Variants in EDIL3 observed in about 807,000 individuals in gnomAD.
The protein encoded by EDIL3 is EGF like and discoidin domains 3.
EDIL3 carries 37 observed loss-of-function variants against 67.4 expected under a neutral mutation model. The observed-to-expected ratio is 0.55, with a 90% confidence interval of 0.42 to 0.72. EDIL3 has a LOEUF of 0.72. Among genes scored for constraint, EDIL3 ranks in the 30% least tolerant of loss-of-function variants. The probability of loss-of-function intolerance (pLI) is 0.00; values close to 1 mark genes in which losing one functional copy is unlikely to be tolerated. For synonymous variants in EDIL3, 195 were observed against 196.3 expected, an observed-to-expected ratio of 0.99 and a Z score of 0.05; for missense variants, 527 against 586.3, an observed-to-expected ratio of 0.90 and a Z score of 1.04.
At chr5:83,964,168 C>T (rs1042426726) in intron 9 of EDIL3, among the ~76,000 whole-genome samples, 4 of 151,814 alleles carry the variant, frequency 2.6e-5, no homozygotes, top group Admixed American at 6.6e-5. Flanking sequence ...ATCAAGAATA[C>T]GTAATATAGA....
chr5:84,026,497 T>G (rs1055725724), intron 9 of EDIL3, among the ~76,000 whole-genome samples: 6 of 152,208 alleles, frequency 3.9e-5, no homozygotes, highest in African/African-American at 1.2e-4. Flanking sequence ...GTTTTACTAT[T>G]TAACCTTCTG....
intron 6 of EDIL3, among the ~76,000 whole-genome samples, chr5:84,082,725 A>C (rs1292458653): frequency 6.6e-6 from 1 of 152,216 alleles, no homozygotes; most frequent in Non-Finnish European, 1.5e-5. Flanking sequence ...AAGGGCTTTT[A>C]TATTATGGTT....
chr5:84,033,717 A>AG (rs1264638159), intron 9 of EDIL3, among the ~76,000 whole-genome samples: 1 of 151,728 alleles, frequency 6.6e-6, no homozygotes, highest in East Asian at 1.9e-4. Context: ...AAAAAAAAAA[A>AG]AAAAAAAAAT....
At chr5:84,184,589 G>A (rs1423385441) in intron 3 of EDIL3, among the ~76,000 whole-genome samples, 1 of 152,152 alleles carries the variant, frequency 6.6e-6, no homozygotes, top group Admixed American at 6.6e-5. Flanking sequence ...GGAAATCAAG[G>A]GGAAAGGGCT....
chr5:84,221,715 A>AT (rs1215237314), intron 3 of EDIL3, among the ~76,000 whole-genome samples: 5 of 151,846 alleles, frequency 3.3e-5, no homozygotes, highest in Admixed American at 2.0e-4. Flanking sequence ...ATATTGTAGC[A>AT]TTTTTTTGGT....
chr5:84,174,142 G>A (rs930492315), intron 4 of EDIL3, among the ~76,000 whole-genome samples: 1 of 152,162 alleles, frequency 6.6e-6, no homozygotes, highest in Admixed American at 6.5e-5. Context: ...ACCTGATGCT[G>A]TCTTGGTCAG....
intron 10 of EDIL3, among the ~76,000 whole-genome samples, chr5:83,959,930 C>T (rs1370770522): frequency 6.6e-6 from 1 of 150,698 alleles, no homozygotes; most frequent in African/African-American, 2.4e-5. Context: ...ATAACTTAGG[C>T]AATACATTTT....
rs1554069997 is a variant in EDIL3 at position 84,141,930 on chromosome 5, T to TATATAC, written c.356-4577_356-4576insGTATAT. On this transcript the variant is annotated intron_variant, in intron 4 of 10. Transcript: ENST00000296591. ...TCATATATATATATATATACACATA[T>TATATAC]ATATATATATATATATACATAGATC... Among the ~76,000 whole-genome samples, 103 of 125,618 alleles carry TATATAC rather than the reference T, an allele frequency of 8.2e-4. 3 individuals carry two copies. Among genetic ancestry groups the TATATAC allele is most frequent in the African/African-American group, 3.0e-3 (97 of 32,276 alleles). The allele number at this position is 125,618 out of a possible 152,430, so 82.4% of individuals were successfully genotyped here.
At chr5:84,249,440 TTCTA>T (rs534116042) in intron 2 of EDIL3, among the ~76,000 whole-genome samples, 231 of 151,678 alleles carry the variant, frequency 1.5e-3, no homozygotes, top group East Asian at 6.0e-3. Context: ...TCATCTATTT[TTCTA>T]TCTATTATCT....
intron 1 of EDIL3, among the ~76,000 whole-genome samples, chr5:84,311,732 G>T (rs965315544): frequency 2.0e-5 from 3 of 152,198 alleles, no homozygotes; most frequent in Non-Finnish European, 4.4e-5. Context: ...GTGTCCCTGG[G>T]TACTTGAGAT....
At chr5:84,285,265 A>G (rs902969603) in intron 1 of EDIL3, among the ~76,000 whole-genome samples, 1 of 152,244 alleles carries the variant, frequency 6.6e-6, no homozygotes, top group Admixed American at 6.5e-5. Flanking sequence ...TAAGTAAAGT[A>G]CATTTAAATT....
At chr5:84,361,270 A>AAC (rs10553087) in intron 1 of EDIL3, among the ~76,000 whole-genome samples, 2,461 of 147,466 alleles carry the variant, frequency 0.017, 33 homozygotes, top group African/African-American at 0.04. Context: ...AGGTCATTAC[A>AAC]ACACACACAC....
chr5:84,153,536 T>G (rs1369663448), intron 4 of EDIL3, among the ~76,000 whole-genome samples: 1 of 150,698 alleles, frequency 6.6e-6, no homozygotes, highest in African/African-American at 2.4e-5. Flanking sequence ...CTCAGGCTGG[T>G]CTCGAACTCC....
chr5:84,160,641 T>C (rs1026226936), intron 4 of EDIL3, among the ~76,000 whole-genome samples: 10 of 152,096 alleles, frequency 6.6e-5, no homozygotes, highest in Non-Finnish European at 1.0e-4. Context: ...AATGGTTCTT[T>C]CCATTGCTCC....
intron 1 of EDIL3, among the ~76,000 whole-genome samples, chr5:84,291,324 C>T (rs1172445502): frequency 6.6e-6 from 1 of 152,082 alleles, no homozygotes; most frequent in Non-Finnish European, 1.5e-5. Context: ...CACATGAATG[C>T]ACAACCGGTT....
At chr5:84,312,244 C>T (rs927543512) in intron 1 of EDIL3, among the ~76,000 whole-genome samples, 2 of 145,254 alleles carry the variant, frequency 1.4e-5, no homozygotes, top group East Asian at 2.1e-4. Context: ...GGGCTGACCC[C>T]CCCACCTCCC....
chr5:84,216,499 T>TAA (rs146058797), intron 3 of EDIL3, among the ~76,000 whole-genome samples: 14,709 of 152,266 alleles, frequency 0.097, 894 homozygotes, highest in Non-Finnish European at 0.14. Flanking sequence ...TTTGCTGCTG[T>TAA]AAGATAAGCA....
chr5:84,188,794 A>G (rs1450925161), intron 3 of EDIL3, among the ~76,000 whole-genome samples: 1 of 152,112 alleles, frequency 6.6e-6, no homozygotes, highest in African/African-American at 2.4e-5. Flanking sequence ...GCAAGAAGGC[A>G]GCTATTTGTA....
At chr5:84,317,726 G>T in intron 1 of EDIL3, among the ~76,000 whole-genome samples, 1 of 152,104 alleles carries the variant, frequency 6.6e-6, no homozygotes, top group East Asian at 1.9e-4. Flanking sequence ...GGCAAAAACT[G>T]GAAGCATTCC....
Sources: allele counts gnomAD v4.1 joint callset (sites outside exome capture counted in the v4.1 genomes callset), GRCh38; gene constraint gnomAD v4.1.1; transcripts MANE v1.5; gene names NCBI Gene and HGNC (gene_info 2026-07-23, HGNC 2026-07-21).